The following CNTN4 variants were observed in gnomAD, a reference collection of about 807,000 sequenced individuals.
CNTN4 encodes contactin 4, also known as contactin-4.
In CNTN4, 77 loss-of-function variants were observed where a neutral mutation model predicts 122.5. That is an observed-to-expected ratio of 0.63 (90% confidence interval 0.52 to 0.76). The LOEUF (loss-of-function observed/expected upper bound fraction) is 0.76. CNTN4 is among the 30% of genes least tolerant of loss of function. The pLI, the probability that CNTN4 is intolerant of heterozygous loss-of-function variation, is 0.00. For synonymous variants in CNTN4, 512 were observed against 447.0 expected, an observed-to-expected ratio of 1.15 and a Z score of -1.83; for missense variants, 1,256 against 1,259.1, an observed-to-expected ratio of 1.00 and a Z score of 0.04.
intron 4 of CNTN4, among the ~76,000 whole-genome samples, chr3:2,608,409 A>G (rs116517799): frequency 0.013 from 1,990 of 152,298 alleles, 44 homozygotes; most frequent in African/African-American, 0.045. Context: ...GCAGTGAACT[A>G]TGATTATTCC....
intron 2 of CNTN4, among the ~76,000 whole-genome samples, chr3:2,298,434 C>T (rs771522318): frequency 4.6e-5 from 7 of 152,124 alleles, no homozygotes; most frequent in Non-Finnish European, 8.8e-5. Flanking sequence ...CTTGAATTTT[C>T]AGAAAATAGT....
intron 14 of CNTN4, among the ~76,000 whole-genome samples, chr3:3,020,288 A>G (rs1282047362): frequency 6.6e-6 from 1 of 152,206 alleles, no homozygotes; most frequent in Non-Finnish European, 1.5e-5. Flanking sequence ...GGGACTTATA[A>G]AAGTGTAAGA....
chr3:2,934,747 A>C (rs1219341299), intron 13 of CNTN4, among the ~76,000 whole-genome samples: 6 of 152,222 alleles, frequency 3.9e-5, no homozygotes, highest in Non-Finnish European at 8.8e-5. Context: ...ATGTTATTGC[A>C]ATAATTAGAG....
In CNTN4 at chr3:2,709,297, C is replaced by A. The variant is rs1354934301; in HGVS notation, c.56-26918C>A. Among the ~76,000 whole-genome samples, 1 of 152,114 alleles carries A rather than the reference C, an allele frequency of 6.6e-6. No homozygotes were observed. The highest frequency in any genetic ancestry group is 1.5e-5 in the Non-Finnish European group (1 of 68,026). Reference sequence around the variant, plus strand: ...AAGAGACCTGAATTTATAATTAGTACAGTGTGATTCTCAACCTTGGCTGCA... The same window carrying A: ...AAGAGACCTGAATTTATAATTAGTAAAGTGTGATTCTCAACCTTGGCTGCA... On this transcript the variant is annotated intron_variant, in intron 4 of 24. Coordinates refer to ENST00000418658, the MANE Select transcript of CNTN4 (RefSeq NM_175607.3). The surrounding 1 kb of genome is among the most constrained non-coding windows in gnomAD (Gnocchi z 5.0).
intron 7 of CNTN4, among the ~76,000 whole-genome samples, chr3:2,839,210 AT>A (rs2093298400): frequency 6.6e-6 from 1 of 152,342 alleles, no homozygotes; most frequent in South Asian, 2.1e-4. Context: ...GAATTGCCAT[AT>A]GATATAATAG....
At chr3:2,604,733 G>C (rs1333560042) in intron 4 of CNTN4, among the ~76,000 whole-genome samples, 1 of 152,136 alleles carries the variant, frequency 6.6e-6, no homozygotes, top group African/African-American at 2.4e-5. Flanking sequence ...GATACAACTT[G>C]ATGTGTCTAG....
At chr3:2,598,244 A>G (rs2080865707) in intron 4 of CNTN4, among the ~76,000 whole-genome samples, 1 of 152,180 alleles carries the variant, frequency 6.6e-6, no homozygotes, top group Non-Finnish European at 1.5e-5. Context: ...CCTATCACTG[A>G]GCCCAGTTGG....
At chr3:2,221,773 C>T (rs1478813818) in intron 2 of CNTN4, among the ~76,000 whole-genome samples, 9 of 151,904 alleles carry the variant, frequency 5.9e-5, no homozygotes, top group South Asian at 2.1e-4. Flanking sequence ...ATACTAGTAG[C>T]GAGCATGCAT....
intron 4 of CNTN4, among the ~76,000 whole-genome samples, chr3:2,585,019 C>G (rs369882028): frequency 8.5e-5 from 13 of 152,086 alleles, no homozygotes; most frequent in Non-Finnish European, 5.9e-5. Context: ...GATATTTGAA[C>G]TAGATAATTT....
intron 10 of CNTN4, among the ~76,000 whole-genome samples, chr3:2,891,120 A>G (rs2094034626): frequency 6.6e-6 from 1 of 152,190 alleles, no homozygotes; most frequent in African/African-American, 2.4e-5. Context: ...TATTAAGCAA[A>G]TAAATTAACT....
intron 10 of CNTN4, among the ~76,000 whole-genome samples, chr3:2,891,446 C>CAAAT (rs145835304): frequency 0.011 from 1,746 of 151,894 alleles, 40 homozygotes; most frequent in African/African-American, 0.039. Flanking sequence ...GACTCCATCT[C>CAAAT]AAATAAATAA....
intron 3 of CNTN4, among the ~76,000 whole-genome samples, chr3:2,428,256 A>C (rs973815252): frequency 1.3e-5 from 2 of 152,086 alleles, no homozygotes; most frequent in Admixed American, 1.3e-4. Flanking sequence ...AGCTCTTGTA[A>C]GGCAGGCCTG....
intron 14 of CNTN4, among the ~76,000 whole-genome samples, chr3:3,003,473 A>G (rs1364969578): frequency 6.6e-6 from 1 of 152,126 alleles, no homozygotes; most frequent in African/African-American, 2.4e-5. Flanking sequence ...TATGATGCTA[A>G]GTGAAAGAAG....
intron 8 of CNTN4, among the ~76,000 whole-genome samples, chr3:2,881,994 C>G (rs766987766): frequency 6.6e-6 from 1 of 152,126 alleles, no homozygotes; most frequent in Non-Finnish European, 1.5e-5. Flanking sequence ...AAAAACTGAT[C>G]AGAGATGGAA....
intron 13 of CNTN4, among the ~76,000 whole-genome samples, chr3:2,963,459 C>A (rs1040730802): frequency 2.0e-5 from 3 of 152,308 alleles, no homozygotes; most frequent in Non-Finnish European, 2.9e-5. Context: ...CAGCCAATCT[C>A]ATTTCTTACC....
intron 3 of CNTN4, among the ~76,000 whole-genome samples, chr3:2,423,138 C>G (rs2047674796): frequency 1.3e-5 from 2 of 152,208 alleles, no homozygotes; most frequent in African/African-American, 2.4e-5. Context: ...AGTCTGACTC[C>G]TAGAAGTGGT....
chr3:2,430,067 C>G (rs2048005273), intron 3 of CNTN4, among the ~76,000 whole-genome samples: 1 of 152,052 alleles, frequency 6.6e-6, no homozygotes, highest in African/African-American at 2.4e-5. Context: ...ATGGGCTGCA[C>G]CTACTGTCCT....
At chr3:2,427,535 G>T (rs1285971542) in intron 3 of CNTN4, among the ~76,000 whole-genome samples, 1 of 152,168 alleles carries the variant, frequency 6.6e-6, no homozygotes, top group Non-Finnish European at 1.5e-5. Flanking sequence ...GTGCTGAGAA[G>T]AATGTATATT....
intron 4 of CNTN4, chr3:2,735,912 T>C (rs2089050302): frequency 1.9e-6 from 1 of 520,762 alleles, no homozygotes; most frequent in Non-Finnish European, 3.8e-6. Context: ...AGGGGTAGGC[T>C]AAAGACAAGC....
Sources: allele counts gnomAD v4.1 joint callset (sites outside exome capture counted in the v4.1 genomes callset), GRCh38; gene constraint gnomAD v4.1.1; non-coding constraint Gnocchi (gnomAD v3.1); transcripts MANE v1.5; gene names NCBI Gene and HGNC (gene_info 2026-07-23, HGNC 2026-07-21).